BICD2: variants seen among roughly 807,000 people sequenced by gnomAD.
BICD2 encodes the protein protein bicaudal D homolog 2.
BICD2 carries 25 observed loss-of-function variants against 72.9 expected under a neutral mutation model. The ratio of observed to expected loss-of-function variants is 0.34; its 90% CI spans 0.25 to 0.48. The LOEUF (loss-of-function observed/expected upper bound fraction) is 0.48, where lower values mean the gene tolerates loss of function less well. BICD2 is among the 20% of genes least tolerant of loss of function. The probability of loss-of-function intolerance (pLI) is 0.99; values close to 1 mark genes in which losing one functional copy is unlikely to be tolerated. For synonymous variants in BICD2, 501 were observed against 516.1 expected (o/e 0.97, Z 0.40); for missense variants, 894 against 1,175.2 (o/e 0.76, Z 3.50).
intron 1 of BICD2, among the ~76,000 whole-genome samples, chr9:92,749,159 TG>T (rs1482403693): frequency 6.6e-6 from 1 of 151,792 alleles, no homozygotes; most frequent in African/African-American, 2.4e-5. Context: ...TCTTGAGGAC[TG>T]GGGTCCAGGC....
In BICD2 at chr9:92,717,778, C is replaced by T. The variant is rs1853347074; in HGVS notation, c.2258+19G>A. ...AGCTGGCCTTGTGGAAGGGGAGGGC[C>T]CGACAGCAGCACGGTTACCTGGTGG... On this transcript the variant is annotated intron_variant, in intron 6 of 6. Coordinates refer to ENST00000356884, the MANE Select transcript of BICD2 (RefSeq NM_001003800.2). 6.3e-7 allele frequency: 1 copy of T among 1,593,504 alleles called. No homozygotes were observed. The highest frequency in any genetic ancestry group is 1.7e-5 in the Admixed American group (1 of 57,604).
intron 2 of BICD2, among the ~76,000 whole-genome samples, chr9:92,727,708 C>A (rs1342306794): frequency 6.6e-6 from 1 of 152,188 alleles, no homozygotes; most frequent in Admixed American, 6.5e-5. Context: ...CCCCTCTTGC[C>A]CCCAAGACAG....
At position 92,720,923 on chromosome 9, in the gene BICD2, G is replaced by C. The variant is rs1853452528; in HGVS notation, c.607-168C>G. 1.3e-5 allele frequency among the ~76,000 whole-genome samples: 2 copies of C among 152,220 alleles called. No homozygotes were observed. The highest frequency in any genetic ancestry group is 4.8e-5 in the African/African-American group (2 of 41,458). ...AAGGGTGGCAGCCCGTCCAGGCCAA[G>C]ACTGCTTCCTCTGCTCAGAGATGTG... On this transcript the variant is annotated intron_variant, in intron 3 of 6. Transcript: ENST00000356884. The surrounding 1 kb of genome is among the most constrained non-coding windows in gnomAD (Gnocchi z 5.4).
rs1372161962 is a variant in BICD2 at position 92,718,519 on chromosome 9, C to G, written c.2106+20G>C. On this transcript the variant is annotated intron_variant, in intron 5 of 6. Coordinates refer to ENST00000356884, the MANE Select transcript of BICD2 (RefSeq NM_001003800.2). ...AGGCCAGTAGTAGGTGACATGTGCC[C>G]CTGCTGCCTGGCACCTCACCTGCTT... The G allele has an allele frequency of 6.3e-7, 1 of 1,592,202 alleles. No homozygotes were observed. Among genetic ancestry groups the G allele is most frequent in the Non-Finnish European group, 8.6e-7 (1 of 1,168,032 alleles).
intron 1 of BICD2, among the ~76,000 whole-genome samples, chr9:92,746,927 C>T (rs1183218488): frequency 6.6e-6 from 1 of 152,212 alleles, no homozygotes; most frequent in Non-Finnish European, 1.5e-5. Flanking sequence ...ATGAGAGCTG[C>T]ACAAAACAAT....
chr9:92,757,271 G>A (rs966566863), intron 1 of BICD2, among the ~76,000 whole-genome samples: 1 of 131,726 alleles, frequency 7.6e-6, no homozygotes, highest in South Asian at 2.4e-4. Context: ...CCAAGATCAC[G>A]CCACTGCACT....
chr9:92,723,569 G>C (rs868580270), intron 2 of BICD2, among the ~76,000 whole-genome samples: 1 of 152,330 alleles, frequency 6.6e-6, no homozygotes, highest in Middle Eastern at 3.4e-3. Context: ...GAGGGGGATG[G>C]GGAGTGACTG....
At chr9:92,735,089 G>A (rs1033125479) in intron 1 of BICD2, among the ~76,000 whole-genome samples, 2 of 152,206 alleles carry the variant, frequency 1.3e-5, no homozygotes, top group Admixed American at 6.5e-5. Flanking sequence ...CCACTGCTCT[G>A]AAGCTGCCTA....
intron 1 of BICD2, among the ~76,000 whole-genome samples, chr9:92,745,422 CCTAA>C (rs147040981): frequency 1.0e-3 from 157 of 152,064 alleles, no homozygotes; most frequent in African/African-American, 3.6e-3. Context: ...AGGGGATCCA[CCTAA>C]CTAAGGGTGG....
intron 1 of BICD2, among the ~76,000 whole-genome samples, chr9:92,736,562 G>A (rs1853792102): frequency 6.6e-6 from 1 of 152,200 alleles, no homozygotes; most frequent in Non-Finnish European, 1.5e-5. Context: ...GTATCCTTAA[G>A]CCAGCAGCTC....
At chr9:92,721,221 A>G (rs10992433) in intron 3 of BICD2, among the ~76,000 whole-genome samples, 34,836 of 152,242 alleles carry the variant, frequency 0.23, 5,028 homozygotes, top group East Asian at 0.72. Context: ...AGTTAACTAA[A>G]TATCTTAAGA....
In BICD2 at chr9:92,739,961, G is replaced by A. The variant is rs548862158; in HGVS notation, c.241-10725C>T. Among the ~76,000 whole-genome samples the A allele has an allele frequency of 1.0e-3, 155 of 152,246 alleles. 1 individual carries two copies. Among genetic ancestry groups the A allele is most frequent in the African/African-American group, 3.4e-3 (142 of 41,550 alleles). On this transcript the variant is annotated intron_variant, in intron 1 of 6. Transcript: ENST00000356884. ...ATCAAGCCTTATTACAGTCACCAGG[G>A]TTCTCAGGCCTATTAAGCTGACATA...
At chr9:92,740,538 G>T (rs548531963) in intron 1 of BICD2, among the ~76,000 whole-genome samples, 1 of 151,800 alleles carries the variant, frequency 6.6e-6, no homozygotes, top group East Asian at 1.9e-4. Context: ...GGGGCGGGGA[G>T]GGGGGGCGTT....
chr9:92,723,541 T>C (rs1853506388), intron 2 of BICD2, among the ~76,000 whole-genome samples: 1 of 152,214 alleles, frequency 6.6e-6, no homozygotes, highest in Admixed American at 6.5e-5. Flanking sequence ...AGTAGGTTAG[T>C]GGCTGCCAGG....
chr9:92,732,416 A>T (rs1366942470), intron 1 of BICD2, among the ~76,000 whole-genome samples: 1 of 152,230 alleles, frequency 6.6e-6, no homozygotes, highest in East Asian at 1.9e-4. Context: ...TGAAGAAATA[A>T]ATCATAGCTG....
rs1293576826 is a variant in BICD2 at position 92,715,323 on chromosome 9, T to G, written c.2399A>C (p.Glu800Ala). The change falls in exon 7 of 7, where the codon GAG becomes GCG. Residue 800 changes from glutamate to alanine, a missense_variant. Glu to Ala is a moderately radical substitution (Grantham distance 107). Coordinates refer to ENST00000356884, the MANE Select transcript of BICD2 (RefSeq NM_001003800.2). ...LALTQRLELL[E>A]LDHEQTRRGR... ...ACGCCGGGTCTGCTCATGGTCCAGC[T>G]CGAGCAGCTCCAGCCGCTGGGTCAG... 6.2e-7 allele frequency: 1 copy of G among 1,612,810 alleles called. No individual in the cohort carries two copies. Among genetic ancestry groups the G allele is most frequent in the Non-Finnish European group, 8.5e-7 (1 of 1,179,870 alleles).
chr9:92,747,516 T>C (rs567329449), intron 1 of BICD2, among the ~76,000 whole-genome samples: 5 of 152,096 alleles, frequency 3.3e-5, no homozygotes, highest in East Asian at 1.9e-4. Context: ...AGGGAGTCAG[T>C]AGGGAGGGCC....
chr9:92,715,906 A>C (rs1030696854), intron 6 of BICD2, among the ~76,000 whole-genome samples: 23 of 152,172 alleles, frequency 1.5e-4, no homozygotes, highest in African/African-American at 5.3e-4. Flanking sequence ...ATGTAAATCT[A>C]AGCAGGACTG....
chr9:92,742,981 TC>T (rs1329684211), intron 1 of BICD2, among the ~76,000 whole-genome samples: 4 of 152,228 alleles, frequency 2.6e-5, no homozygotes, highest in Non-Finnish European at 5.9e-5. Context: ...TTGGGTTGTT[TC>T]CACTTTTAGG....
Sources: gnomAD v4.1 joint callset for allele counts (sites outside exome capture counted in the v4.1 genomes callset) on GRCh38, gnomAD v4.1.1 for gene constraint, Gnocchi (gnomAD v3.1) non-coding constraint, MANE v1.5 for transcripts, NCBI Gene and HGNC (gene_info 2026-07-23, HGNC 2026-07-21) for gene names.